Variants in CTNNA3 observed in about 807,000 individuals in gnomAD.
CTNNA3 encodes the protein catenin alpha 3, also known as catenin alpha-3.
In CTNNA3, 76 loss-of-function variants were observed where a neutral mutation model predicts 95.7. The observed-to-expected ratio is 0.79, with a 90% CI of 0.66 to 0.96. The LOEUF (loss-of-function observed/expected upper bound fraction) is 0.96, where lower values mean the gene tolerates loss of function less well. Ranked by LOEUF, CTNNA3 falls within the 40% of genes least tolerant of loss-of-function variation. The pLI is 0.00. For missense variants in CTNNA3, 1,191 were observed against 1,089.8 expected (o/e 1.09, Z -1.31); for synonymous variants, 431 against 374.4 (o/e 1.15, Z -1.74).
chr10:67,078,644 G>T (rs1856867798), intron 7 of CTNNA3, among the ~76,000 whole-genome samples: 2 of 151,966 alleles, frequency 1.3e-5, no homozygotes, highest in Admixed American at 6.6e-5. Context: ...AGCCTCCCAA[G>T]TAGCTGGGAT....
At position 67,367,560 on chromosome 10, in the gene CTNNA3, A is replaced by T. The variant is rs1843262211; in HGVS notation, c.580-147690T>A. ...TTACCATGCGAACAGCAATCCCAAT[A>T]CTAGGGATATATCCAAAGGACAATT... On this transcript the variant is annotated intron_variant, in intron 5 of 17. Coordinates refer to ENST00000433211, the MANE Select transcript of CTNNA3 (RefSeq NM_013266.4). Among the ~76,000 whole-genome samples the T allele has an allele frequency of 2.6e-5, 4 of 152,184 alleles. No individual in the cohort carries two copies. The South Asian group carries it at 8.3e-4, about 31-fold the overall frequency.
At chr10:66,793,309 T>C (rs534786420) in intron 7 of CTNNA3, among the ~76,000 whole-genome samples, 14 of 152,016 alleles carry the variant, frequency 9.2e-5, no homozygotes, top group African/African-American at 3.4e-4. Flanking sequence ...ACCCAGAAAA[T>C]TTTTTTCTAT....
At chr10:67,024,751 C>T (rs1057209866) in intron 7 of CTNNA3, among the ~76,000 whole-genome samples, 1 of 152,150 alleles carries the variant, frequency 6.6e-6, no homozygotes, top group African/African-American at 2.4e-5. Flanking sequence ...GCCTACTAAA[C>T]ATTCTTTGGC....
chr10:66,024,239 G>A (rs1002429501), intron 15 of CTNNA3, among the ~76,000 whole-genome samples: 1 of 151,976 alleles, frequency 6.6e-6, no homozygotes, highest in African/African-American at 2.4e-5. Flanking sequence ...ACAGGCGACC[G>A]CCACCACGCC....
At chr10:66,898,041 C>A (rs1395584834) in intron 7 of CTNNA3, among the ~76,000 whole-genome samples, 1 of 152,112 alleles carries the variant, frequency 6.6e-6, no homozygotes, top group African/African-American at 2.4e-5. Context: ...ATCAAAAGGA[C>A]TCAGGAGCAA....
At chr10:66,411,177 G>C (rs926324415) in intron 11 of CTNNA3, among the ~76,000 whole-genome samples, 1 of 152,156 alleles carries the variant, frequency 6.6e-6, no homozygotes, top group African/African-American at 2.4e-5. Flanking sequence ...AGTAGGCCTT[G>C]AGTAAATAAT....
intron 11 of CTNNA3, among the ~76,000 whole-genome samples, chr10:66,431,200 C>T (rs571586656): frequency 2.6e-4 from 40 of 152,296 alleles, no homozygotes; most frequent in Middle Eastern, 3.4e-3. Flanking sequence ...AATGAGACAT[C>T]GTCTCACACC....
intron 5 of CTNNA3, among the ~76,000 whole-genome samples, chr10:67,357,934 T>C (rs751264951): frequency 2.6e-5 from 4 of 152,118 alleles, no homozygotes; most frequent in Admixed American, 2.6e-4. Context: ...GGGTTGAATA[T>C]AGACATATAA....
At chr10:67,027,707 G>A (rs950028917) in intron 7 of CTNNA3, among the ~76,000 whole-genome samples, 1 of 149,766 alleles carries the variant, frequency 6.7e-6, no homozygotes, top group Non-Finnish European at 1.5e-5. Context: ...GGGATTACAG[G>A]CATGAGCCAC....
intron 13 of CTNNA3, among the ~76,000 whole-genome samples, chr10:66,131,220 G>A (rs2083087033): frequency 6.6e-6 from 1 of 152,066 alleles, no homozygotes; most frequent in Admixed American, 6.6e-5. Flanking sequence ...CTCAATCTAT[G>A]AGGCCAGCAT....
At chr10:66,695,731 T>C (rs1181345318) in intron 9 of CTNNA3, among the ~76,000 whole-genome samples, 1 of 152,094 alleles carries the variant, frequency 6.6e-6, no homozygotes, top group East Asian at 1.9e-4. Flanking sequence ...AATATTGTTA[T>C]TGGGCCATCT....
chr10:67,558,124 A>T (rs1386004276), intron 3 of CTNNA3, among the ~76,000 whole-genome samples: 1 of 152,158 alleles, frequency 6.6e-6, no homozygotes. Flanking sequence ...TGCTTACCTC[A>T]TCCTTACAAG....
chr10:66,540,894 G>T (rs939390353), intron 10 of CTNNA3, among the ~76,000 whole-genome samples: 1 of 151,922 alleles, frequency 6.6e-6, no homozygotes, highest in Non-Finnish European at 1.5e-5. Context: ...CTTTTAAAAG[G>T]GATGGTCTTC....
chr10:67,632,860 G>A (rs1031480116), intron 2 of CTNNA3, among the ~76,000 whole-genome samples: 6 of 152,046 alleles, frequency 3.9e-5, no homozygotes, highest in Admixed American at 1.3e-4. Context: ...CTAGGAAGGG[G>A]GCTAAAACCA....
intron 2 of CTNNA3, among the ~76,000 whole-genome samples, chr10:67,624,416 T>C (rs1025830172): frequency 9.9e-5 from 15 of 152,180 alleles, no homozygotes; most frequent in African/African-American, 3.4e-4. Context: ...AAAAATCATT[T>C]ACTACACCCC....
intron 5 of CTNNA3, among the ~76,000 whole-genome samples, chr10:67,482,236 T>C (rs1007715316): frequency 1.3e-5 from 2 of 151,340 alleles, no homozygotes; most frequent in Non-Finnish European, 1.5e-5. Context: ...ATGCGGCCTC[T>C]TTTTTGGTTC....
intron 11 of CTNNA3, among the ~76,000 whole-genome samples, chr10:66,419,985 T>G (rs188198652): frequency 1.6e-3 from 242 of 152,206 alleles, no homozygotes; most frequent in African/African-American, 5.8e-3. Flanking sequence ...AGGAAAAGAT[T>G]TTATGGCTAA....
intron 7 of CTNNA3, among the ~76,000 whole-genome samples, chr10:66,976,212 A>G (rs1270057692): frequency 6.6e-6 from 1 of 152,220 alleles, no homozygotes; most frequent in African/African-American, 2.4e-5. Context: ...AAGTATTTCT[A>G]ATAGTGCAGG....
intron 1 of CTNNA3, among the ~76,000 whole-genome samples, chr10:67,691,872 C>A (rs866213337): frequency 6.8e-6 from 1 of 147,924 alleles, no homozygotes; most frequent in Non-Finnish European, 1.5e-5. Context: ...CCAGCTGCCC[C>A]GTCCGGGAGG....
Sources: gnomAD v4.1 joint callset for allele counts (sites outside exome capture counted in the v4.1 genomes callset) on GRCh38, gnomAD v4.1.1 for gene constraint, MANE v1.5 for transcripts, NCBI Gene and HGNC (gene_info 2026-07-23, HGNC 2026-07-21) for gene names.